Variants in PGBD5 observed in about 807,000 individuals in gnomAD.
PGBD5 encodes piggyBac transposable element-derived protein 5.
Under a neutral mutation model 47.9 loss-of-function variants are expected in PGBD5, and 14 were observed. The ratio of observed to expected loss-of-function variants is 0.29; its 90% CI spans 0.19 to 0.46. The LOEUF is 0.46. Ranked by LOEUF, PGBD5 falls within the 20% of genes least tolerant of loss-of-function variation. The pLI, the probability that PGBD5 is intolerant of heterozygous loss-of-function variation, is 1.00. For missense variants in PGBD5, 635 were observed against 716.0 expected (o/e 0.89, Z 1.29); for synonymous variants, 316 against 306.3 (o/e 1.03, Z -0.33).
chr1:230,363,076 T>A (rs553660732), intron 1 of PGBD5, among the ~76,000 whole-genome samples: 1 of 152,234 alleles, frequency 6.6e-6, no homozygotes, highest in East Asian at 1.9e-4. Flanking sequence ...CCTCTCTGCA[T>A]CTCAGTTTCT....
chr1:230,347,484 T>C (rs77473272), intron 3 of PGBD5, among the ~76,000 whole-genome samples: 20,305 of 146,648 alleles, frequency 0.14, 1,702 homozygotes, highest in East Asian at 0.38. Context: ...TTCTTTTTTT[T>C]TTTTTTTTTT....
intron 1 of PGBD5, among the ~76,000 whole-genome samples, chr1:230,368,792 CGT>C (rs10638879): frequency 7.2e-6 from 1 of 138,266 alleles, no homozygotes; most frequent in South Asian, 2.3e-4. Context: ...GCCGGGGAAA[CGT>C]GTGTGTATGT....
intron 4 of PGBD5, 55 bp from the exon 5 acceptor site, chr1:230,333,096 G>A: frequency 6.5e-7 from 1 of 1,529,310 alleles, no homozygotes; most frequent in Non-Finnish European, 8.8e-7. Context: ...GATGCCGGCG[G>A]CTCCTCCGCC....
chr1:230,371,055 C>T (rs1224324300), intron 1 of PGBD5, among the ~76,000 whole-genome samples: 1 of 152,200 alleles, frequency 6.6e-6, no homozygotes, highest in African/African-American at 2.4e-5. Flanking sequence ...GGTCCCTGCT[C>T]ACTTCAAAAG....
intron 1 of PGBD5, among the ~76,000 whole-genome samples, chr1:230,415,521 C>T (rs190752841): frequency 6.6e-6 from 1 of 152,310 alleles, no homozygotes; most frequent in Admixed American, 6.5e-5. Context: ...TTTGAAACAT[C>T]AAAATTGAAT....
At position 230,357,295 on chromosome 1, in the gene PGBD5, C is replaced by A. The variant is rs767804134; in HGVS notation, c.358G>T (p.Ala120Ser). The A allele has an allele frequency of 6.2e-7, 1 of 1,613,636 alleles. No homozygotes were observed. Among genetic ancestry groups the A allele is most frequent in the South Asian group, 1.1e-5 (1 of 91,074 alleles). ...AGCTGGAAGAAGTCCACGGCACTGG[C>A]GCTGGGGGGCATCTTTCGGGTGGGA... ...GGPTRKMPPS[A>S]SAVDFFQLFV... Residue 120 changes from alanine to serine, a missense_variant, in exon 2 of 7, where the codon GCC becomes TCC. Ala to Ser is a moderately conservative substitution (Grantham distance 99). Coordinates refer to ENST00000391860, the MANE Select transcript of PGBD5 (RefSeq NM_001258311.2). This position sits in a 1 kb window ranked among gnomAD's most constrained non-coding sequence, Gnocchi z 5.7.
intron 1 of PGBD5, among the ~76,000 whole-genome samples, chr1:230,389,403 C>A (rs960429130): frequency 3.3e-5 from 5 of 152,100 alleles, no homozygotes; most frequent in Admixed American, 6.5e-5. Flanking sequence ...GGACTCCTGA[C>A]CTCAGGTGAT....
intron 3 of PGBD5, among the ~76,000 whole-genome samples, chr1:230,338,228 T>G (rs1667356070): frequency 6.6e-6 from 1 of 152,218 alleles, no homozygotes; most frequent in Admixed American, 6.5e-5. Flanking sequence ...TGACCACAAA[T>G]TCAGTGGCTT....
chr1:230,381,712 T>C (rs2102726147), intron 1 of PGBD5, among the ~76,000 whole-genome samples: 1 of 152,300 alleles, frequency 6.6e-6, no homozygotes, highest in South Asian at 2.1e-4. Context: ...CCAGCCACCC[T>C]CCACGCCCAG....
At chr1:230,409,233 A>C (rs1657364476) in intron 1 of PGBD5, among the ~76,000 whole-genome samples, 1 of 152,202 alleles carries the variant, frequency 6.6e-6, no homozygotes, top group African/African-American at 2.4e-5. Context: ...AATATGAAGA[A>C]ACTGGAACCT....
intron 1 of PGBD5, among the ~76,000 whole-genome samples, chr1:230,389,034 T>C (rs576486829): frequency 6.6e-6 from 1 of 152,352 alleles, no homozygotes; most frequent in South Asian, 2.1e-4. Flanking sequence ...GAAGCTGCCT[T>C]GGGCTCAGAC....
chr1:230,325,786 T>A (rs1358759619), intron 5 of PGBD5, among the ~76,000 whole-genome samples: 1 of 151,778 alleles, frequency 6.6e-6, no homozygotes, highest in Non-Finnish European at 1.5e-5. Context: ...CCTCCCTCCC[T>A]CCCCCTTCTG....
chr1:230,356,868 G>A, intron 2 of PGBD5, 26 bp downstream of exon 2: 3 of 1,599,908 alleles, frequency 1.9e-6, no homozygotes, highest in Non-Finnish European at 2.6e-6. Flanking sequence ...ACCTGGACAA[G>A]CTCTTACGTC....
At position 230,323,360 on chromosome 1, in the gene PGBD5, A is replaced by G; in HGVS notation, c.*65T>C. 2 of 1,553,516 alleles carry G rather than the reference A, an allele frequency of 1.3e-6. No homozygotes were observed. The highest frequency in any genetic ancestry group is 1.7e-6 in the Non-Finnish European group (2 of 1,150,976). On this transcript the variant is annotated 3_prime_UTR_variant, in exon 7 of 7. Transcript: ENST00000391860. The surrounding 1 kb of genome is among the most constrained non-coding windows in gnomAD (Gnocchi z 4.1). ...GCCGTGTCCGGGTCTCTGATGGGCA[A>G]GTTGGAACGGCAGGCTCTCCTCCTC...
intron 2 of PGBD5, among the ~76,000 whole-genome samples, chr1:230,355,362 A>G (rs1397500422): frequency 6.6e-6 from 1 of 152,210 alleles, no homozygotes; most frequent in Non-Finnish European, 1.5e-5. Context: ...CTGGACTTAC[A>G]CTGCAGATAC....
intron 2 of PGBD5, among the ~76,000 whole-genome samples, chr1:230,351,871 A>C (rs1249512062): frequency 1.3e-5 from 2 of 152,246 alleles, no homozygotes; most frequent in Non-Finnish European, 2.9e-5. Context: ...TGATAAGACA[A>C]TAAAGAAAAA....
chr1:230,361,384 G>A (rs1272314786), intron 1 of PGBD5, among the ~76,000 whole-genome samples: 1 of 152,086 alleles, frequency 6.6e-6, no homozygotes, highest in African/African-American at 2.4e-5. Context: ...CGGTGTCTGG[G>A]CTAGGATGAA....
In PGBD5 at chr1:230,320,454, T is replaced by C. The variant is rs910702594; in HGVS notation, c.*2971A>G. ...GTTTTGCATAAGGCTGGGAAGCTCA[T>C]TGCTCCATCTTTTTTTTCCAGAGCC... On this transcript the variant is annotated 3_prime_UTR_variant, in exon 7 of 7. Transcript: ENST00000391860. 3.3e-5 allele frequency: 5 copies of C among 152,186 alleles called. No individual in the cohort carries two copies. The highest frequency in any genetic ancestry group is 9.7e-5 in the African/African-American group (4 of 41,448). The allele number at this position is 152,186 out of a possible 1,614,324, so 9.4% of individuals were successfully genotyped here. A position where few individuals can be genotyped will look rare whatever the true frequency, so the allele number is the denominator to read the frequency against.
chr1:230,346,118 T>C (rs894910372), intron 3 of PGBD5, among the ~76,000 whole-genome samples: 1 of 152,190 alleles, frequency 6.6e-6, no homozygotes, highest in Non-Finnish European at 1.5e-5. Context: ...CTTGGCTGAC[T>C]GTAGCCTTGA....
Sources: gnomAD v4.1 joint callset for allele counts (sites outside exome capture counted in the v4.1 genomes callset) on GRCh38, gnomAD v4.1.1 for gene constraint, Gnocchi (gnomAD v3.1) non-coding constraint, MANE v1.5 for transcripts, NCBI Gene and HGNC (gene_info 2026-07-23, HGNC 2026-07-21) for gene names.